MTUS2: variants seen among roughly 807,000 people sequenced by gnomAD.
MTUS2 encodes microtubule-associated tumor suppressor candidate 2.
In MTUS2, 40 loss-of-function variants were observed where a neutral mutation model predicts 114.1. The observed-to-expected ratio is 0.35, with a 90% confidence interval of 0.27 to 0.46. The LOEUF (loss-of-function observed/expected upper bound fraction) is 0.46, where lower values mean the gene tolerates loss of function less well. Among genes scored for constraint, MTUS2 ranks in the 20% least tolerant of loss-of-function variants. The pLI is 1.00. For missense variants in MTUS2, 1,679 were observed against 1,705.4 expected, an observed-to-expected ratio of 0.98 and a Z score of 0.27; for synonymous variants, 688 against 672.0, an observed-to-expected ratio of 1.02 and a Z score of -0.37.
intron 5 of MTUS2, among the ~76,000 whole-genome samples, chr13:29,219,270 A>G (rs1187650584): frequency 2.0e-4 from 30 of 148,620 alleles, no homozygotes; most frequent in African/African-American, 6.8e-4. Context: ...ATGATTTCCA[A>G]TTTCATCCAT....
chr13:28,954,196 C>T (rs747057518), intron 2 of MTUS2, among the ~76,000 whole-genome samples: 17 of 151,870 alleles, frequency 1.1e-4, no homozygotes, highest in African/African-American at 1.7e-4. Flanking sequence ...ATGGCATTTG[C>T]GAATAAATTC....
At chr13:28,916,398 T>A (rs1419859087) in intron 2 of MTUS2, among the ~76,000 whole-genome samples, 1 of 152,006 alleles carries the variant, frequency 6.6e-6, no homozygotes, top group Non-Finnish European at 1.5e-5. Flanking sequence ...AGTATGGGCA[T>A]TTTAACAACA....
At chr13:28,958,996 A>T (rs1333780545) in intron 2 of MTUS2, among the ~76,000 whole-genome samples, 1 of 152,182 alleles carries the variant, frequency 6.6e-6, no homozygotes, top group African/African-American at 2.4e-5. Context: ...GAATACTCCT[A>T]GGCAGACCAG....
At chr13:29,082,016 A>G (rs1263335871) in intron 4 of MTUS2, among the ~76,000 whole-genome samples, 1 of 152,116 alleles carries the variant, frequency 6.6e-6, no homozygotes, top group Non-Finnish European at 1.5e-5. Context: ...TGTCTCCCTA[A>G]AATTCATATG....
chr13:29,009,776 C>T (rs1014650431), intron 2 of MTUS2, among the ~76,000 whole-genome samples: 4 of 151,864 alleles, frequency 2.6e-5, no homozygotes, highest in Admixed American at 2.6e-4. Context: ...TTTTTCATTT[C>T]AAGTCTTTCT....
intron 6 of MTUS2, among the ~76,000 whole-genome samples, chr13:29,286,019 G>T (rs1047945624): frequency 6.6e-6 from 1 of 152,244 alleles, no homozygotes; most frequent in South Asian, 2.1e-4. Context: ...TCCACCTTCT[G>T]CTTTCAAGTG....
Position 29,385,165 on chromosome 13 carries a change from C to T in MTUS2, c.3117+25692C>T, listed in dbSNP as rs191486198. Among the ~76,000 whole-genome samples, 14 of 152,304 alleles carry T rather than the reference C, an allele frequency of 9.2e-5. No homozygotes were observed. In the East Asian group the frequency reaches 1.7e-3, roughly 19 times the overall value. ...ATCATAAGGCTGGCTGAAAATGTGC[C>T]GACATTTGTGAGAAATACTAGGCCG... On this transcript the variant is annotated intron_variant, in intron 8 of 15. Transcript: ENST00000612955.
At chr13:28,971,200 G>A (rs1234731265) in intron 2 of MTUS2, among the ~76,000 whole-genome samples, 4 of 152,066 alleles carry the variant, frequency 2.6e-5, no homozygotes, top group Admixed American at 6.5e-5. Flanking sequence ...AAAATATCTG[G>A]ATTTAGAGTA....
intron 6 of MTUS2, among the ~76,000 whole-genome samples, chr13:29,312,303 C>T (rs1899805586): frequency 6.6e-6 from 1 of 152,194 alleles, no homozygotes; most frequent in South Asian, 2.1e-4. Context: ...AAATCTCCAA[C>T]AGCTAATACC....
At chr13:28,865,432 A>G (rs1238778961) in intron 2 of MTUS2, among the ~76,000 whole-genome samples, 1 of 152,192 alleles carries the variant, frequency 6.6e-6, no homozygotes, top group Non-Finnish European at 1.5e-5. Flanking sequence ...AAAGTGATAA[A>G]ACACCCAGAA....
At chr13:29,467,442 GC>G (rs1211255266) in intron 9 of MTUS2, among the ~76,000 whole-genome samples, 1 of 152,144 alleles carries the variant, frequency 6.6e-6, no homozygotes, top group East Asian at 1.9e-4. Flanking sequence ...CCTTTCCACT[GC>G]CCGGGCCTTC....
At chr13:29,096,390 A>G (rs1448827555) in intron 4 of MTUS2, among the ~76,000 whole-genome samples, 2 of 152,222 alleles carry the variant, frequency 1.3e-5, no homozygotes, top group Non-Finnish European at 2.9e-5. Context: ...TGGGGCATAC[A>G]TTATTCCACA....
At chr13:29,210,092 C>T (rs1240594383) in intron 5 of MTUS2, among the ~76,000 whole-genome samples, 3 of 152,120 alleles carry the variant, frequency 2.0e-5, no homozygotes, top group Admixed American at 2.0e-4. Flanking sequence ...AACATAATCC[C>T]AAACTTCCTG....
At chr13:28,884,390 T>C (rs1332212933) in intron 2 of MTUS2, among the ~76,000 whole-genome samples, 1 of 152,072 alleles carries the variant, frequency 6.6e-6, no homozygotes, top group South Asian at 2.1e-4. Context: ...TGGTGGTTGC[T>C]AGGGGCTGGG....
chr13:29,199,929 T>G (rs1480727797), intron 5 of MTUS2, among the ~76,000 whole-genome samples: 1 of 152,150 alleles, frequency 6.6e-6, no homozygotes. Context: ...GGGAGGGGTG[T>G]TTGTGCCCAG....
intron 2 of MTUS2, among the ~76,000 whole-genome samples, chr13:28,892,437 T>C (rs1410938025): frequency 6.6e-6 from 1 of 152,162 alleles, no homozygotes; most frequent in Non-Finnish European, 1.5e-5. Flanking sequence ...GAGGTTATCC[T>C]TTTAGAACAA....
intron 2 of MTUS2, among the ~76,000 whole-genome samples, chr13:28,841,821 G>A (rs539970846): frequency 2.0e-5 from 3 of 152,178 alleles, no homozygotes; most frequent in Admixed American, 1.3e-4. Flanking sequence ...TGAGCAGCTG[G>A]GATTACAGAT....
At chr13:29,303,083 A>C (rs531433285) in intron 6 of MTUS2, among the ~76,000 whole-genome samples, 1 of 152,244 alleles carries the variant, frequency 6.6e-6, no homozygotes, top group Non-Finnish European at 1.5e-5. Context: ...CTGACTGATA[A>C]AATAAAAACA....
At chr13:28,885,023 C>T (rs781389640) in intron 2 of MTUS2, among the ~76,000 whole-genome samples, 13 of 151,814 alleles carry the variant, frequency 8.6e-5, no homozygotes, top group Admixed American at 2.0e-4. Flanking sequence ...GGTAAGGGTC[C>T]ACTTTTTGAA....
Sources: allele counts gnomAD v4.1 joint callset (sites outside exome capture counted in the v4.1 genomes callset), GRCh38; gene constraint gnomAD v4.1.1; transcripts MANE v1.5; gene names NCBI Gene and HGNC (gene_info 2026-07-23, HGNC 2026-07-21).